The following ROBO1 variants were observed in gnomAD, a reference collection of about 807,000 sequenced individuals.
The protein encoded by ROBO1 is roundabout guidance receptor 1.
In ROBO1, 149 loss-of-function variants were observed where a neutral mutation model predicts 195.9. That is an observed-to-expected ratio of 0.76 (90% confidence interval 0.67 to 0.87). The LOEUF is 0.87. Ranked by LOEUF, ROBO1 falls within the 40% of genes least tolerant of loss-of-function variation. The pLI, the probability that ROBO1 is intolerant of heterozygous loss-of-function variation, is 0.00. For missense variants in ROBO1, 1,933 were observed against 2,068.3 expected (o/e 0.93, Z 1.27); for synonymous variants, 816 against 733.2 (o/e 1.11, Z -1.82).
At chr3:79,383,103 G>C (rs2109382202) in intron 2 of ROBO1, among the ~76,000 whole-genome samples, 1 of 152,194 alleles carries the variant, frequency 6.6e-6, no homozygotes, top group South Asian at 2.1e-4. Context: ...AATTCAAAGA[G>C]AGCTTCCTAT....
chr3:79,046,350 C>T (rs1406676175), intron 3 of ROBO1, among the ~76,000 whole-genome samples: 2 of 152,106 alleles, frequency 1.3e-5, no homozygotes, highest in Non-Finnish European at 2.9e-5. Flanking sequence ...ACTTCAGCCC[C>T]AGCCAACATC....
At chr3:79,299,558 G>C (rs1385937757) in intron 2 of ROBO1, among the ~76,000 whole-genome samples, 1 of 152,108 alleles carries the variant, frequency 6.6e-6, no homozygotes. Context: ...AACGTTGCTT[G>C]CTTGATATGA....
At chr3:79,405,144 T>C (rs1371620322) in intron 2 of ROBO1, among the ~76,000 whole-genome samples, 2 of 152,138 alleles carry the variant, frequency 1.3e-5, no homozygotes, top group African/African-American at 4.8e-5. Flanking sequence ...ATTATGGGCA[T>C]GCAACACTAT....
chr3:79,578,646 C>G (rs1346738314), intron 2 of ROBO1, among the ~76,000 whole-genome samples: 2 of 151,998 alleles, frequency 1.3e-5, no homozygotes, highest in East Asian at 3.9e-4. Context: ...TTTTTTCTAC[C>G]CAGAATGCCT....
chr3:79,163,185 T>C (rs1448287411), intron 2 of ROBO1, among the ~76,000 whole-genome samples: 2 of 152,070 alleles, frequency 1.3e-5, no homozygotes, highest in Non-Finnish European at 2.9e-5. Context: ...CATTGCTGCC[T>C]CCCCACAGTT....
chr3:79,019,487 C>G (rs577858370), intron 3 of ROBO1: 1 of 986,260 alleles, frequency 1.0e-6, no homozygotes, highest in South Asian at 4.7e-5. Flanking sequence ...ACAGTCCCCG[C>G]GGCTCCCAGT....
chr3:79,100,389 T>G (rs1412362399), intron 3 of ROBO1, among the ~76,000 whole-genome samples: 1 of 151,770 alleles, frequency 6.6e-6, no homozygotes, highest in Non-Finnish European at 1.5e-5. Context: ...TACCCAAACC[T>G]TATTCTTTTT....
intron 4 of ROBO1, among the ~76,000 whole-genome samples, chr3:78,916,648 C>A (rs1050267700): frequency 3.3e-5 from 5 of 151,072 alleles, no homozygotes; most frequent in African/African-American, 1.2e-4. Context: ...TACCTTATAT[C>A]TAATCAAAAC....
intron 2 of ROBO1, among the ~76,000 whole-genome samples, chr3:79,219,355 T>TACCG (rs1283216889): frequency 6.6e-6 from 1 of 152,030 alleles, no homozygotes. Flanking sequence ...ATTAGTTGCA[T>TACCG]ACCGAGGAAG....
At chr3:78,637,444 G>C (rs1705591427) in intron 22 of ROBO1, among the ~76,000 whole-genome samples, 1 of 152,112 alleles carries the variant, frequency 6.6e-6, no homozygotes, top group African/African-American at 2.4e-5. Flanking sequence ...CAGAACTTTG[G>C]AGATATTGGA....
intron 1 of ROBO1, among the ~76,000 whole-genome samples, chr3:79,757,991 T>C (rs1704497340): frequency 6.6e-6 from 1 of 152,226 alleles, no homozygotes; most frequent in Admixed American, 6.5e-5. Context: ...CAGGCTGAGA[T>C]TATCTGTCTT....
chr3:78,702,965 A>G (rs543791513), intron 8 of ROBO1, among the ~76,000 whole-genome samples: 2 of 152,288 alleles, frequency 1.3e-5, no homozygotes, highest in African/African-American at 4.8e-5. Context: ...CAATTAAGAG[A>G]GCATTTCAAA....
In ROBO1 at chr3:79,318,934, G is replaced by T. The variant is rs143515984; in HGVS notation, c.89-193395C>A. Among the ~76,000 whole-genome samples, 1,176 of 152,190 alleles carry T rather than the reference G, an allele frequency of 7.7e-3. 12 individuals carry two copies. The highest frequency in any genetic ancestry group is 9.2e-3 in the Non-Finnish European group (626 of 67,998). On this transcript the variant is annotated intron_variant, in intron 2 of 30. Coordinates refer to ENST00000464233, the MANE Select transcript of ROBO1 (RefSeq NM_002941.4). The stretch of plus-strand genomic sequence containing the variant: ...TAGGTAAAATGAATTTGAATTATAT[G>T]CAAACTTACAAAATATCATTTCAAC...
At chr3:79,481,193 C>G (rs113851310) in intron 2 of ROBO1, among the ~76,000 whole-genome samples, 2 of 152,130 alleles carry the variant, frequency 1.3e-5, no homozygotes, top group African/African-American at 4.8e-5. Context: ...AGAGTATGAA[C>G]AGAAATTGTA....
chr3:79,014,629 C>T (rs1034707953), intron 3 of ROBO1, among the ~76,000 whole-genome samples: 2 of 152,168 alleles, frequency 1.3e-5, no homozygotes, highest in Non-Finnish European at 2.9e-5. Flanking sequence ...CTACACTTCT[C>T]CAGACTTCTG....
chr3:79,721,817 C>T (rs1034893322), intron 1 of ROBO1, among the ~76,000 whole-genome samples: 1 of 152,110 alleles, frequency 6.6e-6, no homozygotes, highest in African/African-American at 2.4e-5. Context: ...CCATGTATAT[C>T]CAAAGTGTGA....
chr3:78,963,968 C>T (rs192907547), intron 3 of ROBO1, among the ~76,000 whole-genome samples: 12 of 152,290 alleles, frequency 7.9e-5, no homozygotes, highest in Non-Finnish European at 1.8e-4. Flanking sequence ...CCTCACAGCT[C>T]TGGAGGTTAG....
At chr3:79,429,575 C>G (rs1237850892) in intron 2 of ROBO1, among the ~76,000 whole-genome samples, 1 of 152,078 alleles carries the variant, frequency 6.6e-6, no homozygotes, top group African/African-American at 2.4e-5. Flanking sequence ...AACAAACAAC[C>G]TGATTAACTG....
At chr3:79,243,597 T>A (rs1032411618) in intron 2 of ROBO1, among the ~76,000 whole-genome samples, 1 of 152,154 alleles carries the variant, frequency 6.6e-6, no homozygotes, top group Non-Finnish European at 1.5e-5. Flanking sequence ...ATGATGAGCA[T>A]TTTTTCATGT....
Sources: allele counts gnomAD v4.1 joint callset (sites outside exome capture counted in the v4.1 genomes callset), GRCh38; gene constraint gnomAD v4.1.1; transcripts MANE v1.5; gene names NCBI Gene and HGNC (gene_info 2026-07-23, HGNC 2026-07-21).